The following GRIP1 variants were observed in gnomAD, a reference collection of about 807,000 sequenced individuals.
The protein encoded by GRIP1 is glutamate receptor interacting protein 1.
Under a neutral mutation model 129.9 loss-of-function variants are expected in GRIP1, and 45 were observed. The observed-to-expected ratio is 0.35, with a 90% CI of 0.27 to 0.44. GRIP1 has a LOEUF of 0.44. GRIP1 is among the 20% of genes least tolerant of loss of function. GRIP1 has a pLI of 1.00. For missense variants in GRIP1, 1,196 were observed against 1,396.8 expected (o/e 0.86, Z 2.29); for synonymous variants, 530 against 520.8 (o/e 1.02, Z -0.24).
At chr12:66,549,129 T>C (rs2062041999) in intron 2 of GRIP1, among the ~76,000 whole-genome samples, 1 of 152,150 alleles carries the variant, frequency 6.6e-6, no homozygotes, top group African/African-American at 2.4e-5. Flanking sequence ...CAAGAGTGTT[T>C]TTTCCCTGCT....
At chr12:66,814,929 T>C (rs1295888156) in intron 1 of GRIP1, among the ~76,000 whole-genome samples, 2 of 151,972 alleles carry the variant, frequency 1.3e-5, no homozygotes, top group African/African-American at 4.8e-5. Flanking sequence ...GTAAACTCAC[T>C]CACTATCACA....
upstream of GRIP1, among the ~76,000 whole-genome samples, chr12:66,807,398 G>A (rs1422307814): frequency 6.6e-6 from 1 of 151,950 alleles, no homozygotes; most frequent in East Asian, 1.9e-4. Context: ...ACCTGGCCAG[G>A]CGCGGTGGCT....
At chr12:67,014,071 A>C (rs1459167336) in intron 1 of GRIP1, among the ~76,000 whole-genome samples, 1 of 152,196 alleles carries the variant, frequency 6.6e-6, no homozygotes, top group Non-Finnish European at 1.5e-5. Flanking sequence ...GCCCAAAGAT[A>C]ATCTGTACAC....
intron 1 of GRIP1, among the ~76,000 whole-genome samples, chr12:67,004,554 T>A (rs890985244): frequency 6.6e-6 from 1 of 152,086 alleles, no homozygotes; most frequent in Non-Finnish European, 1.5e-5. Flanking sequence ...TCAACAAGCC[T>A]GGCCATGGAA....
intron 1 of GRIP1, among the ~76,000 whole-genome samples, chr12:66,728,439 C>G (rs979714781): frequency 1.2e-4 from 19 of 152,090 alleles, no homozygotes; most frequent in African/African-American, 4.6e-4. Context: ...TCTAAGATGG[C>G]CTCCTGACAT....
chr12:66,496,237 C>G (rs934400019), intron 7 of GRIP1, among the ~76,000 whole-genome samples: 3 of 152,080 alleles, frequency 2.0e-5, no homozygotes, highest in Admixed American at 2.0e-4. Context: ...TCTCCTTTTA[C>G]CAGTACCTGC....
chr12:66,845,102 T>G (rs1302806490), intron 1 of GRIP1, among the ~76,000 whole-genome samples: 2 of 152,146 alleles, frequency 1.3e-5, no homozygotes, highest in Non-Finnish European at 2.9e-5. Context: ...GATAGCAAAT[T>G]TCATGTTATG....
chr12:66,558,172 G>A (rs1186450157), intron 2 of GRIP1, among the ~76,000 whole-genome samples: 3 of 152,074 alleles, frequency 2.0e-5, no homozygotes, highest in Non-Finnish European at 2.9e-5. Flanking sequence ...ATATTAGTCC[G>A]TTTTCATGCT....
chr12:66,722,710 T>C (rs551385211), intron 1 of GRIP1, among the ~76,000 whole-genome samples: 34 of 152,292 alleles, frequency 2.2e-4, no homozygotes, highest in African/African-American at 7.9e-4. Context: ...AATAAATCTC[T>C]AATCCTGGAA....
At chr12:66,612,397 G>A (rs2064841826) in intron 1 of GRIP1, among the ~76,000 whole-genome samples, 1 of 152,128 alleles carries the variant, frequency 6.6e-6, no homozygotes, top group African/African-American at 2.4e-5. Flanking sequence ...CAGTGGTTCT[G>A]TGTGTAATTC....
chr12:66,715,874 A>T (rs903438251), intron 1 of GRIP1, among the ~76,000 whole-genome samples: 3 of 152,070 alleles, frequency 2.0e-5, no homozygotes, highest in African/African-American at 7.2e-5. Context: ...AACATTCATC[A>T]GGCCAGCTAG....
At chr12:66,900,848 T>C (rs772335268) in intron 1 of GRIP1, among the ~76,000 whole-genome samples, 5 of 152,206 alleles carry the variant, frequency 3.3e-5, no homozygotes, top group Non-Finnish European at 7.3e-5. Context: ...ATCAGGTTTC[T>C]AGGAGTAAAT....
chr12:66,734,634 T>C (rs569258912), intron 1 of GRIP1, among the ~76,000 whole-genome samples: 1 of 152,204 alleles, frequency 6.6e-6, no homozygotes, highest in Non-Finnish European at 1.5e-5. Context: ...TATTTTAAGA[T>C]ATTTTAAAAT....
intron 1 of GRIP1, among the ~76,000 whole-genome samples, chr12:66,956,531 C>A (rs537347427): frequency 6.6e-6 from 1 of 152,234 alleles, no homozygotes; most frequent in South Asian, 2.1e-4. Context: ...ACTTAAGGGA[C>A]AGAGAATTGA....
intron 2 of GRIP1, among the ~76,000 whole-genome samples, chr12:66,570,548 A>C (rs183359801): frequency 1.4e-4 from 21 of 152,262 alleles, no homozygotes; most frequent in Admixed American, 9.2e-4. Context: ...TCTACTGCTA[A>C]AAAAACAAGT....
chr12:66,727,762 G>A (rs922305649), intron 1 of GRIP1, among the ~76,000 whole-genome samples: 1 of 152,130 alleles, frequency 6.6e-6, no homozygotes. Flanking sequence ...GGAAATTAAG[G>A]ATGGTAGACC....
At chr12:66,512,302 A>G (rs1362501422) in intron 7 of GRIP1, among the ~76,000 whole-genome samples, 1 of 152,162 alleles carries the variant, frequency 6.6e-6, no homozygotes, top group Non-Finnish European at 1.5e-5. Flanking sequence ...AGAGGTTGGA[A>G]CAGTTTGGAG....
intron 23 of GRIP1, among the ~76,000 whole-genome samples, chr12:66,366,829 G>T (rs2055178350): frequency 6.7e-6 from 1 of 149,396 alleles, no homozygotes; most frequent in African/African-American, 2.5e-5. Flanking sequence ...GACTACAGGT[G>T]CAAGCCACCA....
At chr12:66,381,572 G>A (rs897658245) in intron 19 of GRIP1, among the ~76,000 whole-genome samples, 3 of 152,184 alleles carry the variant, frequency 2.0e-5, no homozygotes, top group Non-Finnish European at 1.5e-5. Context: ...TCTTCCTGGA[G>A]TATCCTTTTC....
Sources: allele counts gnomAD v4.1 joint callset (sites outside exome capture counted in the v4.1 genomes callset), GRCh38; gene constraint gnomAD v4.1.1; transcripts MANE v1.5; gene names NCBI Gene and HGNC (gene_info 2026-07-23, HGNC 2026-07-21).